The following CTNNA2 variants were observed in gnomAD, a reference collection of about 807,000 sequenced individuals.
CTNNA2 encodes catenin alpha 2.
Under a neutral mutation model 101.0 loss-of-function variants are expected in CTNNA2, and 42 were observed. That is an observed-to-expected ratio of 0.42 (90% CI 0.32 to 0.54). The LOEUF is 0.54. Among genes scored for constraint, CTNNA2 ranks in the 20% least tolerant of loss-of-function variants. CTNNA2 has a pLI of 0.14. For synonymous variants in CTNNA2, 450 were observed against 456.4 expected, an observed-to-expected ratio of 0.99 and a Z score of 0.18; for missense variants, 871 against 1,223.1, an observed-to-expected ratio of 0.71 and a Z score of 4.29.
intron 3 of CTNNA2, among the ~76,000 whole-genome samples, chr2:79,769,555 C>T (rs1314060649): frequency 1.3e-5 from 2 of 152,104 alleles, no homozygotes; most frequent in African/African-American, 2.4e-5. Context: ...TAATTTAGCC[C>T]TTAGTAAAGA....
intron 18 of CTNNA2, among the ~76,000 whole-genome samples, chr2:80,637,983 G>T (rs1558668045): frequency 6.6e-6 from 1 of 152,148 alleles, no homozygotes; most frequent in African/African-American, 2.4e-5. Context: ...AGTTCAGAAA[G>T]GGTGGGGTCA....
At chr2:79,372,573 G>A (rs1677897156) in intron 3 of CTNNA2, among the ~76,000 whole-genome samples, 2 of 152,166 alleles carry the variant, frequency 1.3e-5, no homozygotes, top group African/African-American at 4.8e-5. Context: ...TTCCTGTGCA[G>A]GAGAGAAGAA....
chr2:79,426,158 A>G (rs775573700), intron 4 of CTNNA2, among the ~76,000 whole-genome samples: 38 of 152,118 alleles, frequency 2.5e-4, no homozygotes, highest in Non-Finnish European at 4.6e-4. Context: ...AATATTGTAG[A>G]CTCTATGGAA....
intron 6 of CTNNA2, among the ~76,000 whole-genome samples, chr2:79,894,867 C>T (rs1473111244): frequency 6.6e-6 from 1 of 152,158 alleles, no homozygotes; most frequent in African/African-American, 2.4e-5. Flanking sequence ...AGCACAAAGA[C>T]ATTAAAGAAA....
At chr2:79,552,688 C>T (rs1443082933) in intron 1 of CTNNA2, among the ~76,000 whole-genome samples, 1 of 152,240 alleles carries the variant, frequency 6.6e-6, no homozygotes, top group Non-Finnish European at 1.5e-5. Context: ...TGAGGCTTAA[C>T]ATCTCATGGA....
chr2:79,209,146 T>C (rs1250032469), intron 2 of CTNNA2, among the ~76,000 whole-genome samples: 1 of 151,994 alleles, frequency 6.6e-6, no homozygotes, highest in Non-Finnish European at 1.5e-5. Context: ...CTAAACCCCA[T>C]CTCTACAAAT....
At chr2:80,207,733 C>G (rs529873959) in intron 7 of CTNNA2, among the ~76,000 whole-genome samples, 1 of 152,208 alleles carries the variant, frequency 6.6e-6, no homozygotes, top group Admixed American at 6.5e-5. Context: ...AGGGATATAG[C>G]TATAGATCTG....
At chr2:79,324,990 C>T (rs1453885768) in intron 3 of CTNNA2, among the ~76,000 whole-genome samples, 1 of 152,126 alleles carries the variant, frequency 6.6e-6, no homozygotes, top group Non-Finnish European at 1.5e-5. Context: ...ATAAATCCAC[C>T]ACCCTTCAAT....
At chr2:80,298,552 A>T (rs1419463164) in intron 7 of CTNNA2, 1 of 152,178 alleles carries the variant, frequency 6.6e-6, no homozygotes, top group African/African-American at 2.4e-5. Context: ...CCCTAATCCT[A>T]CCAGAGATCT....
At chr2:79,855,717 AACCATGTAGCT>A (rs112735629) in intron 3 of CTNNA2, among the ~76,000 whole-genome samples, 80,262 of 151,720 alleles carry the variant, frequency 0.53, 21,356 homozygotes, top group South Asian at 0.62. Flanking sequence ...AACTGGGATC[AACCATGTAGCT>A]ACCTGGGTTC....
chr2:79,698,131 A>G (rs1159025328), intron 2 of CTNNA2, among the ~76,000 whole-genome samples: 2 of 151,992 alleles, frequency 1.3e-5, no homozygotes, highest in African/African-American at 4.8e-5. Context: ...TCGGATGAGT[A>G]TATTTTATAT....
intron 7 of CTNNA2, among the ~76,000 whole-genome samples, chr2:80,046,705 C>T (rs1178433925): frequency 1.3e-5 from 2 of 152,182 alleles, no homozygotes; most frequent in East Asian, 1.9e-4. Flanking sequence ...CCAAAGGACT[C>T]GAAGAAGATG....
At chr2:80,039,910 TTAAAA>T (rs1365720526) in intron 7 of CTNNA2, among the ~76,000 whole-genome samples, 16 of 152,210 alleles carry the variant, frequency 1.1e-4, no homozygotes, top group Admixed American at 3.3e-4. Context: ...TATCGCAAAC[TTAAAA>T]TAAAAAGTGA....
intron 7 of CTNNA2, among the ~76,000 whole-genome samples, chr2:80,129,822 C>T (rs1042560940): frequency 2.6e-5 from 4 of 152,104 alleles, no homozygotes; most frequent in Non-Finnish European, 5.9e-5. Flanking sequence ...CACCTGGCTA[C>T]TCTACTGTGC....
chr2:80,380,057 G>C (rs1431040580), intron 7 of CTNNA2, among the ~76,000 whole-genome samples: 1 of 96,382 alleles, frequency 1.0e-5, no homozygotes, highest in Admixed American at 1.5e-4. Context: ...TTTTTTTTGA[G>C]ACGGAGTCTC....
At chr2:79,702,687 A>G (rs1331089402) in intron 2 of CTNNA2, among the ~76,000 whole-genome samples, 3 of 152,176 alleles carry the variant, frequency 2.0e-5, no homozygotes, top group Non-Finnish European at 4.4e-5. Context: ...TTTACCTACA[A>G]TGATTTTGTT....
At chr2:80,363,847 C>A (rs368879903) in intron 7 of CTNNA2, among the ~76,000 whole-genome samples, 4 of 152,218 alleles carry the variant, frequency 2.6e-5, no homozygotes, top group South Asian at 2.1e-4. Flanking sequence ...TTTATATCAA[C>A]CATTCATTAA....
chr2:79,219,849 T>C (rs1674319176), intron 2 of CTNNA2, among the ~76,000 whole-genome samples: 1 of 152,206 alleles, frequency 6.6e-6, no homozygotes, highest in African/African-American at 2.4e-5. Flanking sequence ...ATCCTTTTGG[T>C]GACCCTTTCG....
intron 4 of CTNNA2, among the ~76,000 whole-genome samples, chr2:79,389,753 A>T (rs1362629359): frequency 6.6e-6 from 1 of 152,202 alleles, no homozygotes; most frequent in Admixed American, 6.5e-5. Flanking sequence ...GGTTTCTAAC[A>T]TTACATCACG....
Sources: gnomAD v4.1 joint callset for allele counts (sites outside exome capture counted in the v4.1 genomes callset) on GRCh38, gnomAD v4.1.1 for gene constraint, MANE v1.5 for transcripts, NCBI Gene and HGNC (gene_info 2026-07-23, HGNC 2026-07-21) for gene names.